CHD9: variants seen among roughly 807,000 people sequenced by gnomAD.
CHD9 encodes the protein ATP-dependent chromatin remodeler CHD9.
Under a neutral mutation model 316.1 loss-of-function variants are expected in CHD9, and 77 were observed. The ratio of observed to expected loss-of-function variants is 0.24; its 90% CI spans 0.20 to 0.29. The LOEUF is 0.29. Among genes scored for constraint, CHD9 ranks in the 10% least tolerant of loss-of-function variants. CHD9 has a pLI of 1.00. For missense variants in CHD9, 2,763 were observed against 3,438.1 expected (o/e 0.80, Z 4.91); for synonymous variants, 1,129 against 1,158.3 (o/e 0.97, Z 0.51).
chr16:53,121,385 C>A (rs2038729283), intron 1 of CHD9: 1 of 455,926 alleles, frequency 2.2e-6, no homozygotes, highest in Admixed American at 2.4e-5. Flanking sequence ...GATATTTTAT[C>A]AAGGAAACCA....
intron 3 of CHD9, among the ~76,000 whole-genome samples, chr16:53,222,162 C>T (rs991954791): frequency 1.3e-5 from 2 of 151,982 alleles, no homozygotes; most frequent in Non-Finnish European, 2.9e-5. Context: ...CTGCAACCTC[C>T]GCCTCCCGGG....
At chr16:53,131,635 C>G (rs2039320522) in intron 1 of CHD9, among the ~76,000 whole-genome samples, 1 of 151,740 alleles carries the variant, frequency 6.6e-6, no homozygotes. Flanking sequence ...GCCCTCTTCC[C>G]CGTCCCGCGC....
intron 1 of CHD9, chr16:53,122,258 G>A (rs867494019): frequency 1.3e-5 from 2 of 151,806 alleles, no homozygotes; most frequent in African/African-American, 4.8e-5. Context: ...CTCTTCTGTA[G>A]CCAACACAGC....
chr16:53,140,876 T>G (rs1318132608), intron 1 of CHD9, among the ~76,000 whole-genome samples: 2 of 152,192 alleles, frequency 1.3e-5, no homozygotes, highest in Non-Finnish European at 2.9e-5. Context: ...TTTTAAGAGT[T>G]TTCCTTTCTG....
At position 53,227,279 on chromosome 16, in the gene CHD9, A is replaced by G. The variant is rs1408765467; in HGVS notation, c.2044-117A>G. The G allele has an allele frequency of 3.4e-5, 22 of 641,838 alleles. No homozygotes were observed. The South Asian group carries it at 3.7e-4, about 11-fold the overall frequency. The allele number at this position is 641,838 out of a possible 1,614,324, so 39.8% of individuals were successfully genotyped here. ...ATTTCTAACACGTAACATAGTGTCT[A>G]GCATATATGCTGTATAAATATTTGT... On this transcript the variant is annotated intron_variant, in intron 5 of 38. Transcript: ENST00000447540.
In CHD9 at chr16:53,324,199, T is replaced by G. The variant is rs754784227; in HGVS notation, c.7998T>G (p.Gly2666=). The G allele has an allele frequency of 1.2e-6, 2 of 1,614,002 alleles. No homozygotes were observed. Among genetic ancestry groups the G allele is most frequent in the South Asian group, 2.2e-5 (2 of 91,086 alleles). Residue 2666 remains glycine (G), a synonymous_variant, in exon 39 of 39, where the codon GGT becomes GGG. Coordinates refer to ENST00000447540, the MANE Select transcript of CHD9 (RefSeq NM_001308319.2). ...TGTTAGCCAATGGACTACTTCCAGG[T>G]GTGGATCTCACAACTCTTCAGGCCT... ...NPLLANGLLP[G]VDLTTLQALQ...
At chr16:53,272,286 A>G (rs1047076868) in intron 22 of CHD9, among the ~76,000 whole-genome samples, 3 of 151,996 alleles carry the variant, frequency 2.0e-5, no homozygotes, top group South Asian at 4.1e-4. Flanking sequence ...AGAATAATCC[A>G]TAGAAGAAAC....
chr16:53,147,237 G>A (rs754380177), intron 1 of CHD9, among the ~76,000 whole-genome samples: 1 of 152,092 alleles, frequency 6.6e-6, no homozygotes, highest in Non-Finnish European at 1.5e-5. Context: ...GGCCTCACTA[G>A]GAATGTCACT....
At chr16:53,184,812 C>T (rs2043844017) in intron 2 of CHD9, among the ~76,000 whole-genome samples, 1 of 152,114 alleles carries the variant, frequency 6.6e-6, no homozygotes, top group African/African-American at 2.4e-5. Flanking sequence ...TTTCCACCAT[C>T]CTGTTCTGGT....
Position 53,242,836 on chromosome 16 carries a change from C to A in CHD9, c.2878-4C>A. The A allele has an allele frequency of 6.2e-7, 1 of 1,608,132 alleles. No individual in the cohort carries two copies. Among genetic ancestry groups the A allele is most frequent in the Non-Finnish European group, 8.5e-7 (1 of 1,176,550 alleles). On this transcript the variant is annotated splice_region_variant and splice_polypyrimidine_tract_variant and intron_variant, in intron 12 of 38. Transcript: ENST00000447540. ...AGCAAATAATTATATTTGATCATTT[C>A]TAGGGGCGTATCATTCGAGGAGCTT... is the stretch of plus-strand genomic sequence containing the variant.
At chr16:53,174,378 A>C (rs1182152928) in intron 2 of CHD9, among the ~76,000 whole-genome samples, 1 of 152,228 alleles carries the variant, frequency 6.6e-6, no homozygotes, top group African/African-American at 2.4e-5. Context: ...ATCAGAGTAC[A>C]TAATTTGTAT....
At chr16:53,189,532 C>A (rs9921433) in intron 2 of CHD9, among the ~76,000 whole-genome samples, 181 of 151,456 alleles carry the variant, frequency 1.2e-3, no homozygotes, top group African/African-American at 4.1e-3. Flanking sequence ...GTATCTCTCT[C>A]TCTATATATA....
intron 13 of CHD9, 114 bp downstream of exon 13, chr16:53,243,130 A>T: frequency 1.5e-6 from 1 of 649,392 alleles, no homozygotes; most frequent in South Asian, 2.7e-5. Flanking sequence ...AGTACATCTG[A>T]ATCTTATCTG....
chr16:53,090,639 G>A (rs919424336), intron 1 of CHD9, among the ~76,000 whole-genome samples: 5 of 152,082 alleles, frequency 3.3e-5, no homozygotes, highest in African/African-American at 7.2e-5. Context: ...TTTCCTCCCC[G>A]GCATGAAGCC....
chr16:53,321,541 G>A lies in CHD9; in HGVS notation c.7729G>A (p.Ala2577Thr). 6.5e-7 allele frequency: 1 copy of A among 1,542,792 alleles called. No homozygotes were observed. Among genetic ancestry groups the A allele is most frequent in the Non-Finnish European group, 8.8e-7 (1 of 1,138,442 alleles). Residue 2577 changes from alanine to threonine, a missense_variant, in exon 38 of 39, where the codon GCT becomes ACT. Around this residue, in one of 15 missense-constraint regions of CHD9, gnomAD observed 298 missense variants for 380.2 expected, o/e 0.78. Coordinates refer to ENST00000447540, the MANE Select transcript of CHD9 (RefSeq NM_001308319.2). ...TAATTTACAGGTTGGAGGTGCATTT[G>A]CTCCCCCTTTGAAAGATTTATGTAG... ...RNARKVGGAFAPPLKDLCRFL... is the reference protein window; with the variant it reads ...RNARKVGGAFTPPLKDLCRFL...
chr16:53,251,400 C>G (rs1274322220), intron 17 of CHD9, among the ~76,000 whole-genome samples: 2 of 152,102 alleles, frequency 1.3e-5, no homozygotes, highest in Non-Finnish European at 2.9e-5. Context: ...CAATTTCTCC[C>G]TCTCACTTGT....
chr16:53,098,983 T>C (rs2036610933), intron 1 of CHD9, among the ~76,000 whole-genome samples: 1 of 152,200 alleles, frequency 6.6e-6, no homozygotes, highest in Admixed American at 6.5e-5. Context: ...GGAAGCCTAC[T>C]GTCTGTCTCC....
chr16:53,257,519 G>A (rs1403032685), intron 19 of CHD9, among the ~76,000 whole-genome samples: 1 of 152,152 alleles, frequency 6.6e-6, no homozygotes, highest in Non-Finnish European at 1.5e-5. Flanking sequence ...TGAATCAATA[G>A]GTGTAGATGA....
At chr16:53,295,249 C>G (rs1265745363) in intron 29 of CHD9, among the ~76,000 whole-genome samples, 2 of 152,188 alleles carry the variant, frequency 1.3e-5, no homozygotes, top group Non-Finnish European at 2.9e-5. Flanking sequence ...GCCTTGGCCT[C>G]CTGAGTGGCT....
Sources: gnomAD v4.1 joint callset for allele counts (sites outside exome capture counted in the v4.1 genomes callset) on GRCh38, gnomAD v4.1.1 for gene constraint, gnomAD v4.1.1 regional missense constraint, MANE v1.5 for transcripts, NCBI Gene and HGNC (gene_info 2026-07-23, HGNC 2026-07-21) for gene names.